Variants in ERMP1 observed in about 807,000 individuals in gnomAD.
ERMP1 encodes Felix-ina.
In ERMP1, 86 loss-of-function variants were observed where a neutral mutation model predicts 92.0. That is an observed-to-expected ratio of 0.93 (90% CI 0.79 to 1.12). ERMP1 has a LOEUF of 1.12. ERMP1 is among the 50% of genes most tolerant of loss of function. The probability of loss-of-function intolerance (pLI) is 0.00; values close to 1 mark genes in which losing one functional copy is unlikely to be tolerated. For missense variants in ERMP1, 1,342 were observed against 1,116.3 expected, an observed-to-expected ratio of 1.20 and a Z score of -2.88; for synonymous variants, 530 against 412.8, an observed-to-expected ratio of 1.28 and a Z score of -3.44.
chr9:5,835,741 T>C (rs1341524712), upstream of ERMP1, among the ~76,000 whole-genome samples: 3 of 152,166 alleles, frequency 2.0e-5, no homozygotes, highest in African/African-American at 4.8e-5. Flanking sequence ...GGTCATGCTT[T>C]AGGTGATGTT....
At chr9:5,787,732 C>G (rs1828003947) in intron 13 of ERMP1, 139 bp from the exon 14 acceptor site, 1 of 747,980 alleles carries the variant, frequency 1.3e-6, no homozygotes, top group Non-Finnish European at 2.1e-6. Flanking sequence ...TGGAGGTTTA[C>G]CAGTTTGGAC....
At chr9:5,850,175 G>A (rs1453393281) in intron 6 of ERMP1, among the ~76,000 whole-genome samples, 1 of 152,012 alleles carries the variant, frequency 6.6e-6, no homozygotes, top group African/African-American at 2.4e-5. Flanking sequence ...GAATTACCCT[G>A]AGTGCTTGCT....
chr9:5,805,419 A>G (rs1160418141), intron 9 of ERMP1, among the ~76,000 whole-genome samples, 192 bp downstream of exon 9: 3 of 152,216 alleles, frequency 2.0e-5, no homozygotes, highest in African/African-American at 7.2e-5. Flanking sequence ...CACAAGTAAT[A>G]TATTAGTATG....
Position 5,810,207 on chromosome 9 carries a change from A to G in ERMP1, c.1352T>C (p.Leu451Ser), listed in dbSNP as rs376532967. The G allele has an allele frequency of 3.8e-5, 62 of 1,613,836 alleles. No homozygotes were observed. The highest frequency in any genetic ancestry group is 4.8e-5 in the Non-Finnish European group (57 of 1,179,974). The change falls in exon 8 of 15, where the codon TTG (leucine) becomes TCG (serine). Residue 451 changes from leucine (L) to serine (S), a missense_variant. Physicochemically the swap from Leu to Ser is moderately radical, Grantham distance 145. Transcript: ENST00000339450. ...HKTGNYKKDF[L>S]CGLGITLISW... ...GATCAAAGTGATGCCAAGTCCACAC[A>G]AGAAGTCCTTCTTGTAGTTACCAGC...
chr9:5,862,518 T>G (rs1053496041), intron 5 of ERMP1, among the ~76,000 whole-genome samples: 1 of 151,996 alleles, frequency 6.6e-6, no homozygotes. Context: ...TTTTTTGTAC[T>G]TTTTATTTTT....
chr9:5,847,876 C>G (rs1830258880), intron 6 of ERMP1, among the ~76,000 whole-genome samples: 1 of 147,120 alleles, frequency 6.8e-6, no homozygotes, highest in Non-Finnish European at 1.5e-5. Context: ...GCCCGGGCGA[C>G]AGAGCGAGAC....
intron 10 of ERMP1, 107 bp downstream of exon 10, chr9:5,804,920 G>A: frequency 1.2e-6 from 1 of 834,038 alleles, no homozygotes; most frequent in South Asian, 2.0e-5. Flanking sequence ...TTCTGCTTCA[G>A]ATTTTCTCAA....
intron 6 of ERMP1, among the ~76,000 whole-genome samples, chr9:5,858,808 A>C (rs1172525097): frequency 1.3e-5 from 2 of 152,190 alleles, no homozygotes; most frequent in Non-Finnish European, 2.9e-5. Flanking sequence ...GTCATGCTCC[A>C]TAGAAGCTGG....
chr9:5,829,219 C>CA (rs546458492), intron 2 of ERMP1, among the ~76,000 whole-genome samples: 3,146 of 55,752 alleles, frequency 0.056, 49 homozygotes, highest in African/African-American at 0.099. Context: ...GCCCCCCAGC[C>CA]AAAAAAAAAA....
At chr9:5,821,331 A>T (rs7023260) in intron 4 of ERMP1, among the ~76,000 whole-genome samples, 143,204 of 152,116 alleles carry the variant, frequency 0.94, 67,964 homozygotes, top group East Asian at 1. Flanking sequence ...CCAGTCACAC[A>T]CAGCCCAGTT....
chr9:5,805,354 C>T (rs1176961826), intron 9 of ERMP1, 137 bp from the exon 10 acceptor site: 4 of 706,548 alleles, frequency 5.7e-6, no homozygotes, highest in Non-Finnish European at 9.1e-6. Flanking sequence ...TGTATGTTAT[C>T]TTGGAGTAGG....
intron 3 of ERMP1, 73 bp downstream of exon 3, chr9:5,825,019 G>T: frequency 2.8e-6 from 4 of 1,438,740 alleles, no homozygotes; most frequent in Non-Finnish European, 3.8e-6. Context: ...TTACTATTTA[G>T]TAAATAATAT....
At chr9:5,856,488 A>G in intron 6 of ERMP1, 1 of 168,778 alleles carries the variant, frequency 5.9e-6, no homozygotes, top group Non-Finnish European at 1.3e-5. Context: ...GAGCACCAAG[A>G]ACTTTGTTTC....
intron 6 of ERMP1, among the ~76,000 whole-genome samples, chr9:5,854,604 T>A (rs1396349371): frequency 6.6e-6 from 1 of 152,182 alleles, no homozygotes; most frequent in African/African-American, 2.4e-5. Context: ...TGATCTCCAC[T>A]CACTATAACC....
At chr9:5,832,593 T>A (rs1381809618) in intron 1 of ERMP1, 97 bp downstream of exon 1, 1 of 997,988 alleles carries the variant, frequency 1.0e-6, no homozygotes, top group African/African-American at 1.7e-5. Context: ...GTCCCAGCGG[T>A]CCGGCAGGGG....
At chr9:5,800,339 C>A (rs1425630306) in intron 11 of ERMP1, among the ~76,000 whole-genome samples, 2 of 151,992 alleles carry the variant, frequency 1.3e-5, no homozygotes, top group African/African-American at 2.4e-5. Context: ...CTTTATAGTA[C>A]CAGGTCTAAA....
At chr9:5,865,608 G>A (rs944769244) in intron 5 of ERMP1, among the ~76,000 whole-genome samples, 14 of 151,772 alleles carry the variant, frequency 9.2e-5, no homozygotes, top group Admixed American at 3.3e-4. Context: ...CGAGGCAAGC[G>A]GATCACCTGA....
intron 6 of ERMP1, among the ~76,000 whole-genome samples, chr9:5,850,800 T>C (rs1379985041): frequency 6.6e-6 from 1 of 152,194 alleles, no homozygotes. Flanking sequence ...TGGTACCAAA[T>C]GCTATACCTG....
chr9:5,787,078 A>G lies in ERMP1; in HGVS notation c.*66T>C, dbSNP rs929312070. 2.4e-5 allele frequency: 35 copies of G among 1,431,198 alleles called. No individual in the cohort carries two copies. The highest frequency in any genetic ancestry group is 3.2e-5 in the Non-Finnish European group (34 of 1,049,398). The allele number at this position is 1,431,198 out of a possible 1,614,324, so 88.7% of individuals were successfully genotyped here. On this transcript the variant is annotated 3_prime_UTR_variant, in exon 15 of 15. Transcript: ENST00000339450. ...TGACTTACGTTACAAACATCCACGTAACATAGGGAGAAACCATGTCACATG... is the reference window on the plus strand; with the variant it reads ...TGACTTACGTTACAAACATCCACGTGACATAGGGAGAAACCATGTCACATG...
Sources: gnomAD v4.1 joint callset for allele counts (sites outside exome capture counted in the v4.1 genomes callset) on GRCh38, gnomAD v4.1.1 for gene constraint, MANE v1.5 for transcripts, NCBI Gene and HGNC (gene_info 2026-07-23, HGNC 2026-07-21) for gene names.